Variants in TNPO2 observed in about 807,000 individuals in gnomAD.
TNPO2 encodes the protein transportin-2.
Under a neutral mutation model 111.1 loss-of-function variants are expected in TNPO2, and 16 were observed. The ratio of observed to expected loss-of-function variants is 0.14; its 90% CI spans 0.10 to 0.22. TNPO2 has a LOEUF of 0.22. Ranked by LOEUF, TNPO2 falls within the 10% of genes least tolerant of loss-of-function variation. The pLI, the probability that TNPO2 is intolerant of heterozygous loss-of-function variation, is 1.00. For synonymous variants in TNPO2, 481 were observed against 475.8 expected (o/e 1.01, Z -0.14); for missense variants, 530 against 1,173.7 (o/e 0.45, Z 8.01).
intron 5 of TNPO2, among the ~76,000 whole-genome samples, chr19:12,717,211 A>G (rs147202736): frequency 6.6e-6 from 1 of 150,978 alleles, no homozygotes; most frequent in East Asian, 1.9e-4. Context: ...CAGCCCTCAG[A>G]AGAGATAAAG....
In TNPO2 at chr19:12,711,450, C is replaced by G; in HGVS notation, c.963G>C (p.Glu321Asp). 2 of 1,613,988 alleles carry G rather than the reference C, an allele frequency of 1.2e-6. No individual in the cohort carries two copies. The highest frequency in any genetic ancestry group is 1.7e-6 in the Non-Finnish European group (2 of 1,179,882). ...IDIILLKGDV[E>D]EDEAVPDSEQ... ...CACTGTCGGGGACAGCCTCATCCTC[C>G]TCCACATCCCCCTGGGGGACAGGCA... The change falls in exon 12 of 26, where the codon GAG (glutamate) becomes GAC (aspartate). Residue 321 changes from glutamate to aspartate, a missense_variant. Glu to Asp is a conservative substitution (Grantham distance 45). This residue lies in a region of TNPO2 where 88 missense variants were observed against 130.2 expected (regional missense o/e 0.68). Transcript: ENST00000425528.
In TNPO2 at chr19:12,701,483, C is replaced by T. The variant is rs1216873339; in HGVS notation, c.2587-30G>A. On this transcript the variant is annotated intron_variant, in intron 24 of 25. Coordinates refer to ENST00000425528, the MANE Select transcript of TNPO2 (RefSeq NM_001382241.1). This position sits in a 1 kb window ranked among gnomAD's most constrained non-coding sequence, Gnocchi z 5.0. ...GGGGAGGGTGGTGGTGAGGGGTAGG[C>T]AGGGGCAGAACAAGGGGAGTGCGCC... The T allele has an allele frequency of 4.4e-6, 7 of 1,606,720 alleles. No homozygotes were observed.
chr19:12,713,938 G>A (rs1338786246), intron 10 of TNPO2, among the ~76,000 whole-genome samples: 1 of 152,006 alleles, frequency 6.6e-6, no homozygotes, highest in Non-Finnish European at 1.5e-5. Flanking sequence ...GCTGAGGTAG[G>A]AGGATTGCTT....
chr19:12,712,197 AG>A (rs1280111727), intron 10 of TNPO2, among the ~76,000 whole-genome samples: 2 of 152,348 alleles, frequency 1.3e-5, no homozygotes, highest in East Asian at 3.9e-4. Context: ...ATGCCCGGAC[AG>A]GGCCACCAGA....
In TNPO2 at chr19:12,721,888, C is replaced by T. The variant is rs1345288451; in HGVS notation, c.-13-898G>A. Among the ~76,000 whole-genome samples the T allele has an allele frequency of 2.7e-5, 4 of 150,766 alleles. No individual in the cohort carries two copies. The highest frequency in any genetic ancestry group is 2.1e-4 in the South Asian group (1 of 4,726). On this transcript the variant is annotated intron_variant, in intron 2 of 25. Coordinates refer to ENST00000425528, the MANE Select transcript of TNPO2 (RefSeq NM_001382241.1). The surrounding 1 kb of genome is among the most constrained non-coding windows in gnomAD (Gnocchi z 4.9). Reference sequence around the variant, plus strand: ...GCCCCCCACCACCTCGTGTCAGTAACCCCCTGGTCCGATCCTTGCAGCCTC... The same window carrying T: ...GCCCCCCACCACCTCGTGTCAGTAATCCCCTGGTCCGATCCTTGCAGCCTC...
rs370009314 is a variant in TNPO2, at chr19:12,711,309, G to A, written c.1104C>T (p.Ser368=). Residue 368 remains serine (S), a synonymous_variant, in exon 12 of 26, where the codon TCC becomes TCT. Transcript: ENST00000425528. ...AGGGGCACACACTCAAATTCCAGTC[G>A]GACAGAGCATCATCATCATCGTCAT... The part of the protein sequence containing the change: ...AEDDDDDDAL[S]DWNLRKCSAA... 6.8e-6 allele frequency: 11 copies of A among 1,613,458 alleles called. No individual in the cohort carries two copies. Among genetic ancestry groups the A allele is most frequent in the African/African-American group, 4.0e-5 (3 of 74,910 alleles).
At chr19:12,716,543 T>C (rs1417730564) in intron 5 of TNPO2, among the ~76,000 whole-genome samples, 1 of 152,026 alleles carries the variant, frequency 6.6e-6, no homozygotes, top group Non-Finnish European at 1.5e-5. Context: ...GGAGAATCAC[T>C]TGAACCTGGG....
intron 13 of TNPO2, 69 bp downstream of exon 13, chr19:12,710,551 TG>T: frequency 6.5e-7 from 1 of 1,542,614 alleles, no homozygotes; most frequent in African/African-American, 1.4e-5. Flanking sequence ...GAGGCATTGG[TG>T]TGGCTAGTAA....
At position 12,719,576 on chromosome 19, in the gene TNPO2, T is replaced by C. The variant is rs1568339714; in HGVS notation, c.100-240A>G. On this transcript the variant is annotated intron_variant, in intron 3 of 25. Transcript: ENST00000425528. This position sits in a 1 kb window ranked among gnomAD's most constrained non-coding sequence, Gnocchi z 5.0. ...TTTTTGGGAGGTCAAGGCGGGTGGATCACAAGGTCAGGAGTTCGAGACTAG... is the reference window on the plus strand; with the variant it reads ...TTTTTGGGAGGTCAAGGCGGGTGGACCACAAGGTCAGGAGTTCGAGACTAG... 6.6e-6 allele frequency among the ~76,000 whole-genome samples: 1 copy of C among 152,014 alleles called. No homozygotes were observed. Among genetic ancestry groups the C allele is most frequent in the East Asian group, 1.9e-4 (1 of 5,188 alleles).
chr19:12,704,748 T>TCTCAG (rs1385995704), intron 18 of TNPO2, among the ~76,000 whole-genome samples: 1 of 151,940 alleles, frequency 6.6e-6, no homozygotes, highest in Non-Finnish European at 1.5e-5. Flanking sequence ...AGTGGCATGA[T>TCTCAG]CTCAGCTCAC....
Position 12,703,720 on chromosome 19 carries a change from A to T in TNPO2, c.2104T>A (p.Cys702Ser). The T allele has an allele frequency of 6.2e-7, 1 of 1,608,052 alleles. No homozygotes were observed. The highest frequency in any genetic ancestry group is 8.5e-7 in the Non-Finnish European group (1 of 1,177,128). ...TKACFIHVKP[C>S]IAEFMPILGT... ...GACAAGGCGAGTGTCGTACCGATAC[A>T]GGGCTTGACATGGATGAAGCAGGCT... The change falls in exon 19 of 26, where the codon TGT (cysteine) becomes AGT (serine). Residue 702 changes from cysteine (C) to serine (S), a missense_variant. By Grantham distance (112) the Cys-to-Ser change is moderately radical. This residue lies in a region of TNPO2 where 183 missense variants were observed against 481.0 expected (regional missense o/e 0.38). Transcript: ENST00000425528.
chr19:12,707,678 G>C (rs1055064625), intron 13 of TNPO2, among the ~76,000 whole-genome samples: 1 of 150,926 alleles, frequency 6.6e-6, no homozygotes, highest in Non-Finnish European at 1.5e-5. Flanking sequence ...TAGTAGAGAC[G>C]GGGTTTTACC....
chr19:12,720,804 CTCTT>C, intron 3 of TNPO2, 71 bp downstream of exon 3: 1 of 1,505,464 alleles, frequency 6.6e-7, no homozygotes, highest in Non-Finnish European at 8.9e-7. Context: ...GTCAGTCCCT[CTCTT>C]TCTCTCTCTG....
At chr19:12,713,279 C>G (rs143808926) in intron 10 of TNPO2, among the ~76,000 whole-genome samples, 2 of 152,184 alleles carry the variant, frequency 1.3e-5, no homozygotes, top group Non-Finnish European at 2.9e-5. Context: ...AGTGACAGAG[C>G]CTTCATCACC....
chr19:12,708,770 C>G (rs903512362), intron 13 of TNPO2, among the ~76,000 whole-genome samples: 26 of 152,034 alleles, frequency 1.7e-4, no homozygotes, highest in African/African-American at 5.3e-4. Context: ...ACTTGGGAGG[C>G]TGAGGCAGGA....
At chr19:12,703,385 C>G (rs1174600221) in intron 20 of TNPO2, 43 bp downstream of exon 20, 2 of 1,571,178 alleles carry the variant, frequency 1.3e-6, no homozygotes, top group Non-Finnish European at 8.8e-7. Flanking sequence ...AGGTTGAGAA[C>G]AGGCTAATGG....
At chr19:12,703,585 C>CTAG (rs565007605) in intron 19 of TNPO2, 59 bp from the exon 20 acceptor site, 140 of 1,573,298 alleles carry the variant, frequency 8.9e-5, no homozygotes, top group Admixed American at 6.2e-4. Flanking sequence ...GCTGCAGGAC[C>CTAG]TAGTCCAGCA....
chr19:12,720,022 A>T (rs2026586517), intron 3 of TNPO2, among the ~76,000 whole-genome samples: 1 of 148,798 alleles, frequency 6.7e-6, no homozygotes, highest in African/African-American at 2.5e-5. Flanking sequence ...TTAAATATTT[A>T]TTTATTTATT....
Position 12,723,328 on chromosome 19 carries a change from G to A in TNPO2, c.-93C>T, listed in dbSNP as rs1967128858. On this transcript the variant is annotated 5_prime_UTR_variant, in exon 2 of 26. The change creates a premature stop within an existing upstream ORF in the 5' untranslated region. Transcript: ENST00000425528. ...GAAGAAAGAAATCTTCTTGATCCTT[G>A]CGACGTCTGAAGACAGTAGGGCACC... 1 of 152,188 alleles carries A rather than the reference G, an allele frequency of 6.6e-6. No individual in the cohort carries two copies. The highest frequency in any genetic ancestry group is 2.4e-5 in the African/African-American group (1 of 41,450). 9.4% of individuals were successfully genotyped at this position (152,188 alleles called of 1,614,324 possible). A position where few individuals can be genotyped will look rare whatever the true frequency, so the allele number is the denominator to read the frequency against.
Sources: allele counts gnomAD v4.1 joint callset (sites outside exome capture counted in the v4.1 genomes callset), GRCh38; gene constraint gnomAD v4.1.1; regional missense constraint gnomAD v4.1.1; non-coding constraint Gnocchi (gnomAD v3.1); transcripts MANE v1.5; gene names NCBI Gene and HGNC (gene_info 2026-07-23, HGNC 2026-07-21).